The following NEGR1 variants were observed in gnomAD, a reference collection of about 807,000 sequenced individuals.
NEGR1 encodes the protein IgLON family member 4.
NEGR1 carries 10 observed loss-of-function variants against 40.9 expected under a neutral mutation model. The ratio of observed to expected loss-of-function variants is 0.24; its 90% CI spans 0.15 to 0.42. The LOEUF is 0.42. Among genes scored for constraint, NEGR1 ranks in the 10% least tolerant of loss-of-function variants. NEGR1 has a pLI of 1.00. For synonymous variants in NEGR1, 185 were observed against 166.8 expected (o/e 1.11, Z -0.84); for missense variants, 352 against 438.9 (o/e 0.80, Z 1.77).
At chr1:71,703,739 C>T (rs1653782728) in intron 3 of NEGR1, among the ~76,000 whole-genome samples, 1 of 151,482 alleles carries the variant, frequency 6.6e-6, no homozygotes, top group Admixed American at 6.6e-5. Flanking sequence ...CATAACATTG[C>T]CAAATTGAAG....
chr1:71,666,404 T>G (rs1362948271), intron 4 of NEGR1, among the ~76,000 whole-genome samples: 1 of 152,084 alleles, frequency 6.6e-6, no homozygotes, highest in Non-Finnish European at 1.5e-5. Context: ...GGAAATAGAA[T>G]AGTAAATTGT....
chr1:72,011,143 A>G (rs1464541334), intron 1 of NEGR1, among the ~76,000 whole-genome samples: 2 of 152,156 alleles, frequency 1.3e-5, no homozygotes, highest in Admixed American at 6.5e-5. Context: ...GGTCATGTCA[A>G]TGAAGATCAA....
At chr1:72,052,836 T>C (rs1160311132) in intron 1 of NEGR1, among the ~76,000 whole-genome samples, 1 of 151,434 alleles carries the variant, frequency 6.6e-6, no homozygotes, top group East Asian at 1.9e-4. Context: ...TTCATTTCTG[T>C]TTATATTTGC....
At chr1:72,216,490 C>G (rs1042512136) in intron 1 of NEGR1, among the ~76,000 whole-genome samples, 1 of 148,116 alleles carries the variant, frequency 6.8e-6, no homozygotes, top group Non-Finnish European at 1.5e-5. Flanking sequence ...TATGAATAAT[C>G]ATTTTTAAAG....
At chr1:71,607,205 G>A (rs1000657921) in intron 5 of NEGR1, among the ~76,000 whole-genome samples, 5 of 152,180 alleles carry the variant, frequency 3.3e-5, no homozygotes, top group Admixed American at 1.3e-4. Context: ...AGACAACTCT[G>A]AAACATGCTG....
rs1030684967 is a variant in NEGR1 at position 72,182,797 on chromosome 1, T to C, written c.176+99522A>G. Among the ~76,000 whole-genome samples the C allele has an allele frequency of 8.9e-5, 13 of 146,730 alleles. No homozygotes were observed. In the Admixed American group the frequency reaches 9.1e-4, roughly 10 times the overall value. ...GCGTGTGTATATATATATATATATA[T>C]ATGTTTGTATGTGTATATGTGTGTG... On this transcript the variant is annotated intron_variant, in intron 1 of 6. Transcript: ENST00000357731.
chr1:72,147,015 T>A (rs1650935669), intron 1 of NEGR1, among the ~76,000 whole-genome samples: 2 of 152,174 alleles, frequency 1.3e-5, no homozygotes, highest in African/African-American at 4.8e-5. Context: ...TGAATTTTGG[T>A]TGTGTCTGAC....
At chr1:72,034,363 T>C (rs1557493655) in intron 1 of NEGR1, among the ~76,000 whole-genome samples, 1 of 152,200 alleles carries the variant, frequency 6.6e-6, no homozygotes, top group African/African-American at 2.4e-5. Flanking sequence ...TATATCTTTT[T>C]AGATGAGCAG....
intron 1 of NEGR1, among the ~76,000 whole-genome samples, chr1:72,074,554 C>A (rs1647634794): frequency 1.3e-5 from 2 of 151,994 alleles, no homozygotes; most frequent in Admixed American, 6.6e-5. Context: ...ACTCCTACTT[C>A]TACGTCATTA....
intron 1 of NEGR1, among the ~76,000 whole-genome samples, chr1:71,972,274 T>C (rs1250872838): frequency 6.6e-6 from 1 of 152,184 alleles, no homozygotes; most frequent in Non-Finnish European, 1.5e-5. Flanking sequence ...GTAGACACCA[T>C]GCTAGGACAC....
intron 2 of NEGR1, among the ~76,000 whole-genome samples, chr1:71,788,556 C>T (rs937111305): frequency 2.6e-5 from 4 of 152,110 alleles, no homozygotes; most frequent in African/African-American, 9.6e-5. Flanking sequence ...ATATAAATCA[C>T]AAAAACTCAA....
At chr1:71,645,906 T>A (rs1334427371) in intron 4 of NEGR1, among the ~76,000 whole-genome samples, 1 of 151,752 alleles carries the variant, frequency 6.6e-6, no homozygotes, top group Non-Finnish European at 1.5e-5. Context: ...GCATAGGTAA[T>A]GGACTCTAGA....
intron 6 of NEGR1, among the ~76,000 whole-genome samples, chr1:71,457,821 C>T (rs965220100): frequency 2.6e-5 from 4 of 152,132 alleles, no homozygotes; most frequent in Non-Finnish European, 4.4e-5. Flanking sequence ...CCTGCCTCAG[C>T]CTCCTGAGTA....
chr1:71,523,970 A>C (rs545662108), intron 6 of NEGR1, among the ~76,000 whole-genome samples: 1 of 151,962 alleles, frequency 6.6e-6, no homozygotes, highest in Non-Finnish European at 1.5e-5. Context: ...TTATTCTTCT[A>C]AATGCAAAAT....
chr1:72,254,780 C>T (rs535613252), intron 1 of NEGR1, among the ~76,000 whole-genome samples: 1 of 150,078 alleles, frequency 6.7e-6, no homozygotes, highest in Non-Finnish European at 1.5e-5. Flanking sequence ...TGACATTTTA[C>T]ATGAAATGCT....
At chr1:71,906,351 G>T (rs1345032535) in intron 2 of NEGR1, among the ~76,000 whole-genome samples, 1 of 151,664 alleles carries the variant, frequency 6.6e-6, no homozygotes, top group East Asian at 1.9e-4. Flanking sequence ...GCTTATCCAT[G>T]TAACCAAACA....
At chr1:72,175,662 T>C (rs1032445778) in intron 1 of NEGR1, among the ~76,000 whole-genome samples, 1 of 151,896 alleles carries the variant, frequency 6.6e-6, no homozygotes, top group Admixed American at 6.6e-5. Flanking sequence ...GTTTCAAGCA[T>C]GTGTTTAAAC....
In NEGR1 at chr1:72,282,324, C is replaced by A; in HGVS notation, c.171G>T (p.Val57=). The change falls in exon 1 of 7, where the codon GTG becomes GTT. Residue 57 remains valine, a synonymous_variant. Coordinates refer to ENST00000357731, the MANE Select transcript of NEGR1 (RefSeq NM_173808.3). ...AAGCACGCCGTTCTTCCTACCTAAGCACCGCCGTGTCCCCTTTTCTGACCA... is the reference window on the plus strand; with the variant it reads ...AAGCACGCCGTTCTTCCTACCTAAGAACCGCCGTGTCCCCTTTTCTGACCA... ...NMMVRKGDTA[V]LRCYLEDGAS... The A allele has an allele frequency of 1.9e-6, 3 of 1,613,938 alleles. No individual in the cohort carries two copies. Among genetic ancestry groups the A allele is most frequent in the Non-Finnish European group, 2.5e-6 (3 of 1,179,906 alleles).
At chr1:71,520,882 C>A (rs1021228834) in intron 6 of NEGR1, among the ~76,000 whole-genome samples, 1 of 151,964 alleles carries the variant, frequency 6.6e-6, no homozygotes, top group South Asian at 2.1e-4. Flanking sequence ...TACTTGCCAC[C>A]AAATGCCTTC....
Sources: gnomAD v4.1 joint callset for allele counts (sites outside exome capture counted in the v4.1 genomes callset) on GRCh38, gnomAD v4.1.1 for gene constraint, MANE v1.5 for transcripts, NCBI Gene and HGNC (gene_info 2026-07-23, HGNC 2026-07-21) for gene names.